The following MAGI2 variants were observed in gnomAD, a reference collection of about 807,000 sequenced individuals.
MAGI2 encodes membrane-associated guanylate kinase, WW and PDZ domain-containing protein 2.
MAGI2 carries 35 observed loss-of-function variants against 133.3 expected under a neutral mutation model. That is an observed-to-expected ratio of 0.26 (90% CI 0.20 to 0.35). The LOEUF (loss-of-function observed/expected upper bound fraction) is 0.35, where lower values mean the gene tolerates loss of function less well. Among genes scored for constraint, MAGI2 ranks in the 10% least tolerant of loss-of-function variants. The pLI is 1.00. For missense variants in MAGI2, 1,636 were observed against 1,863.4 expected, an observed-to-expected ratio of 0.88 and a Z score of 2.25; for synonymous variants, 729 against 710.6, an observed-to-expected ratio of 1.03 and a Z score of -0.41.
intron 2 of MAGI2, among the ~76,000 whole-genome samples, chr7:78,829,199 T>C (rs1304312143): frequency 1.3e-5 from 2 of 152,260 alleles, no homozygotes; most frequent in South Asian, 2.1e-4. Flanking sequence ...AATTTGAATA[T>C]AAATTTTTAT....
intron 1 of MAGI2, among the ~76,000 whole-genome samples, chr7:79,249,390 G>A (rs1833062308): frequency 6.6e-6 from 1 of 151,138 alleles, no homozygotes; most frequent in Admixed American, 6.6e-5. Context: ...AAATTTTAGC[G>A]AGACTAGCTA....
intron 6 of MAGI2, among the ~76,000 whole-genome samples, chr7:78,465,304 T>C (rs943626367): frequency 6.6e-6 from 1 of 152,154 alleles, no homozygotes; most frequent in Non-Finnish European, 1.5e-5. Context: ...TCTTAAATTA[T>C]AGACACTGGT....
rs1397691869 is a variant in MAGI2, at chr7:78,221,690, A to C, written c.2048-20497T>G. Among the ~76,000 whole-genome samples the C allele has an allele frequency of 2.0e-5, 3 of 152,086 alleles. No individual in the cohort carries two copies. In the East Asian group the frequency reaches 5.9e-4, roughly 30 times the overall value. ...ATATTATTAATGACAGTTAGATAAA[A>C]ACTTAATTTAAAAATACCAAGGCCA... On this transcript the variant is annotated intron_variant, in intron 10 of 21. Transcript: ENST00000354212.
intron 6 of MAGI2, among the ~76,000 whole-genome samples, chr7:78,461,252 C>T (rs979695022): frequency 6.6e-5 from 10 of 151,942 alleles, no homozygotes; most frequent in African/African-American, 1.9e-4. Flanking sequence ...TTTAACTCTT[C>T]GAATAATTTG....
chr7:79,409,369 C>T (rs1037453077), intron 1 of MAGI2, among the ~76,000 whole-genome samples: 20 of 152,100 alleles, frequency 1.3e-4, no homozygotes, highest in African/African-American at 4.6e-4. Flanking sequence ...AAGCCACTCT[C>T]CTGCCTCAGC....
At chr7:78,558,198 TA>T (rs1191728272) in intron 3 of MAGI2, among the ~76,000 whole-genome samples, 2 of 152,180 alleles carry the variant, frequency 1.3e-5, no homozygotes, top group African/African-American at 4.8e-5. Flanking sequence ...TCACTTTTAA[TA>T]TATTTATGTA....
At chr7:79,152,784 C>T (rs1823381215) in intron 1 of MAGI2, among the ~76,000 whole-genome samples, 1 of 152,156 alleles carries the variant, frequency 6.6e-6, no homozygotes, top group African/African-American at 2.4e-5. Context: ...ATACCCACAT[C>T]ATACCTGTTC....
At chr7:78,657,772 TACA>T (rs1040780320) in intron 2 of MAGI2, among the ~76,000 whole-genome samples, 1 of 152,184 alleles carries the variant, frequency 6.6e-6, no homozygotes, top group African/African-American at 2.4e-5. Context: ...TCATAGAATA[TACA>T]ACACCAAGAG....
chr7:78,429,864 C>T (rs969095696), intron 6 of MAGI2, among the ~76,000 whole-genome samples: 12 of 151,914 alleles, frequency 7.9e-5, no homozygotes, highest in African/African-American at 2.7e-4. Flanking sequence ...ATAAGTATTC[C>T]CATTTTTATA....
intron 2 of MAGI2, among the ~76,000 whole-genome samples, chr7:78,733,797 G>T (rs1272729961): frequency 6.6e-6 from 1 of 152,044 alleles, no homozygotes; most frequent in Non-Finnish European, 1.5e-5. Flanking sequence ...GTGACTATAA[G>T]ATCAATTTCT....
intron 2 of MAGI2, among the ~76,000 whole-genome samples, chr7:78,829,495 T>G (rs982436443): frequency 1.3e-5 from 2 of 152,124 alleles, no homozygotes; most frequent in African/African-American, 4.8e-5. Context: ...ATTCTGTTTC[T>G]TTGAACAATT....
chr7:79,025,117 T>C (rs1203909486), intron 1 of MAGI2, among the ~76,000 whole-genome samples: 4 of 152,158 alleles, frequency 2.6e-5, no homozygotes, highest in African/African-American at 4.8e-5. Flanking sequence ...TGCCCATCAA[T>C]GGTAGACTGA....
At chr7:78,725,810 A>C (rs771006505) in intron 2 of MAGI2, among the ~76,000 whole-genome samples, 2 of 143,798 alleles carry the variant, frequency 1.4e-5, no homozygotes, top group East Asian at 1.9e-4. Context: ...ATACAACAAC[A>C]ACCACAACAA....
chr7:78,242,882 A>G (rs1255631322), intron 10 of MAGI2, among the ~76,000 whole-genome samples: 3 of 152,012 alleles, frequency 2.0e-5, no homozygotes, highest in Non-Finnish European at 4.4e-5. Context: ...GTTCAAGACC[A>G]ACCTGAGCAA....
At chr7:78,536,103 C>CTTTTTTTTTTTTTTTTTTTT (rs544655465) in intron 3 of MAGI2, among the ~76,000 whole-genome samples, 1 of 59,924 alleles carries the variant, frequency 1.7e-5, no homozygotes, top group Non-Finnish European at 2.8e-5. Flanking sequence ...ATGAATTAAA[C>CTTTTTTTTTTTTTTTTTTTT]TTTTTTTTTT....
chr7:79,452,846 T>G, intron 1 of MAGI2, 174 bp downstream of exon 1: 1 of 657,790 alleles, frequency 1.5e-6, no homozygotes, highest in East Asian at 2.9e-5. Flanking sequence ...TCCCCTCCCT[T>G]TAGCCCCCAA....
intron 2 of MAGI2, among the ~76,000 whole-genome samples, chr7:78,745,553 C>A (rs185718672): frequency 6.6e-6 from 1 of 151,250 alleles, no homozygotes; most frequent in African/African-American, 2.4e-5. Context: ...ACAACAACAA[C>A]GTTATTTCCA....
chr7:78,544,109 T>G (rs1798623646), intron 3 of MAGI2, among the ~76,000 whole-genome samples: 1 of 152,198 alleles, frequency 6.6e-6, no homozygotes, highest in Non-Finnish European at 1.5e-5. Context: ...GAGCCCTTAG[T>G]GGCTCCAGGG....
At chr7:78,405,692 C>T (rs1050050716) in intron 6 of MAGI2, among the ~76,000 whole-genome samples, 11 of 152,004 alleles carry the variant, frequency 7.2e-5, no homozygotes, top group African/African-American at 2.4e-4. Context: ...AAACACTATT[C>T]ATCTTAATAC....
Sources: allele counts gnomAD v4.1 joint callset (sites outside exome capture counted in the v4.1 genomes callset), GRCh38; gene constraint gnomAD v4.1.1; transcripts MANE v1.5; gene names NCBI Gene and HGNC (gene_info 2026-07-23, HGNC 2026-07-21).